The following MYO9A variants were observed in gnomAD, a reference collection of about 807,000 sequenced individuals.
MYO9A encodes the protein unconventional myosin-IXa.
MYO9A carries 103 observed loss-of-function variants against 293.3 expected under a neutral mutation model. That is an observed-to-expected ratio of 0.35 (90% CI 0.30 to 0.41). MYO9A has a LOEUF of 0.41. Among genes scored for constraint, MYO9A ranks in the 10% least tolerant of loss-of-function variants. The pLI, the probability that MYO9A is intolerant of heterozygous loss-of-function variation, is 1.00. For synonymous variants in MYO9A, 1,001 were observed against 1,035.7 expected, an observed-to-expected ratio of 0.97 and a Z score of 0.64; for missense variants, 2,685 against 3,033.0, an observed-to-expected ratio of 0.89 and a Z score of 2.69.
At chr15:72,010,135 G>C (rs984134222) in intron 7 of MYO9A, among the ~76,000 whole-genome samples, 1 of 152,078 alleles carries the variant, frequency 6.6e-6, no homozygotes. Flanking sequence ...AAATTGTTAA[G>C]GATGTACATT....
At chr15:71,874,666 A>T (rs752578930) in intron 32 of MYO9A, among the ~76,000 whole-genome samples, 1 of 152,236 alleles carries the variant, frequency 6.6e-6, no homozygotes, top group Non-Finnish European at 1.5e-5. Context: ...TGAGACTCAT[A>T]GTTCATCGGA....
chr15:71,941,551 CA>C (rs1278422664), intron 15 of MYO9A, among the ~76,000 whole-genome samples: 1 of 152,094 alleles, frequency 6.6e-6, no homozygotes, highest in Non-Finnish European at 1.5e-5. Context: ...AATATTCTAA[CA>C]ACATTTGTAA....
chr15:71,837,035 G>A (rs2054972954), intron 39 of MYO9A, among the ~76,000 whole-genome samples: 1 of 152,022 alleles, frequency 6.6e-6, no homozygotes, highest in South Asian at 2.1e-4. Context: ...CAATAAAAAA[G>A]ATATTTAAGA....
intron 11 of MYO9A, among the ~76,000 whole-genome samples, chr15:71,980,932 A>G (rs564172437): frequency 6.6e-5 from 10 of 152,360 alleles, no homozygotes; most frequent in East Asian, 3.9e-4. Flanking sequence ...TTTTCATTCA[A>G]TAAGATATTA....
chr15:71,974,558 G>A (rs2076090482), intron 12 of MYO9A, among the ~76,000 whole-genome samples: 1 of 152,210 alleles, frequency 6.6e-6, no homozygotes, highest in Admixed American at 6.5e-5. Context: ...ACCAGATGCA[G>A]TGGTCCTAGG....
intron 1 of MYO9A, among the ~76,000 whole-genome samples, chr15:72,071,809 A>G (rs1209274668): frequency 6.6e-6 from 1 of 152,102 alleles, no homozygotes; most frequent in Non-Finnish European, 1.5e-5. Flanking sequence ...TATGGTAAAC[A>G]GTATGGAGAT....
intron 1 of MYO9A, among the ~76,000 whole-genome samples, chr15:72,074,950 C>CTTTTTTTT (rs1567012010): frequency 1.4e-5 from 1 of 71,666 alleles, no homozygotes; most frequent in African/African-American, 5.0e-5. Flanking sequence ...ATTTTCACTG[C>CTTTTTTTT]CTTTTTTTTT....
intron 39 of MYO9A, among the ~76,000 whole-genome samples, chr15:71,840,592 T>A (rs2055116098): frequency 6.6e-6 from 1 of 152,186 alleles, no homozygotes; most frequent in Non-Finnish European, 1.5e-5. Context: ...CCAAATGTAT[T>A]TAAGTCTTCT....
intron 1 of MYO9A, chr15:72,117,133 G>A (rs1376217438): frequency 6.6e-6 from 1 of 152,278 alleles, no homozygotes; most frequent in Non-Finnish European, 1.5e-5. Flanking sequence ...GTCTGTGACG[G>A]TGTCTAGAGG....
chr15:71,902,850 A>C, intron 22 of MYO9A, 91 bp downstream of exon 22: 1 of 1,047,296 alleles, frequency 9.5e-7, no homozygotes, highest in East Asian at 2.9e-5. Flanking sequence ...CTGATTCACT[A>C]TCTTTTTAAT....
chr15:71,900,042 A>G (rs1333909414), intron 23 of MYO9A, 36 bp from the exon 24 acceptor site: 3 of 1,554,930 alleles, frequency 1.9e-6, no homozygotes, highest in African/African-American at 1.4e-5. Context: ...ACTGGTTGTC[A>G]TATCTTACAC....
intron 18 of MYO9A, among the ~76,000 whole-genome samples, chr15:71,917,681 C>T (rs945245410): frequency 8.6e-5 from 13 of 152,008 alleles, no homozygotes; most frequent in African/African-American, 2.7e-4. Flanking sequence ...GCTTTTTGAG[C>T]CAATCATAAT....
Position 72,077,218 on chromosome 15 carries a change from C to T in MYO9A, c.-71-30584G>A, listed in dbSNP as rs143254405. On this transcript the variant is annotated intron_variant, in intron 1 of 41. Transcript: ENST00000356056. ...TTGCTAATCTCAGCCTTGGCAATGACGTTTTAGATACAACACCAAAAGCAC... is the reference window on the plus strand; with the variant it reads ...TTGCTAATCTCAGCCTTGGCAATGATGTTTTAGATACAACACCAAAAGCAC... Among the ~76,000 whole-genome samples the T allele has an allele frequency of 1.4e-3, 214 of 152,180 alleles. 1 individual carries two copies. Among genetic ancestry groups the T allele is most frequent in the African/African-American group, 4.7e-3 (197 of 41,500 alleles).
rs1374004709 is a variant in MYO9A at position 72,095,556 on chromosome 15, T to A, written c.-72+22124A>T. ...GAGCAAGTTATCCAGAAGATCCAGC[T>A]AAGATAATTGATGAAGGTGGCTACA... On this transcript the variant is annotated intron_variant, in intron 1 of 41. Transcript: ENST00000356056. Among the ~76,000 whole-genome samples the A allele has an allele frequency of 2.1e-5, 2 of 93,324 alleles. 1 individual carries two copies. Among genetic ancestry groups the A allele is most frequent in the Non-Finnish European group, 6.5e-5 (2 of 30,812 alleles). 61.2% of individuals were successfully genotyped at this position (93,324 alleles called of 152,430 possible). A position where few individuals can be genotyped will look rare whatever the true frequency, so the allele number is the denominator to read the frequency against.
chr15:71,860,142 G>T (rs1452737951), intron 33 of MYO9A, among the ~76,000 whole-genome samples: 1 of 152,076 alleles, frequency 6.6e-6, no homozygotes, highest in Admixed American at 6.5e-5. Context: ...TAGTGTTCAT[G>T]TTCTACCACA....
At chr15:72,058,870 TAAAG>T (rs2078798288) in intron 1 of MYO9A, among the ~76,000 whole-genome samples, 1 of 152,196 alleles carries the variant, frequency 6.6e-6, no homozygotes, top group Non-Finnish European at 1.5e-5. Context: ...GAAGTTCAGT[TAAAG>T]AAATTAAAAA....
intron 1 of MYO9A, among the ~76,000 whole-genome samples, chr15:72,100,721 C>T (rs374547115): frequency 9.3e-5 from 14 of 150,658 alleles, no homozygotes; most frequent in Non-Finnish European, 1.5e-4. Flanking sequence ...ACCCTCTGCC[C>T]GGCAACCACC....
At chr15:71,982,689 A>G (rs542544820) in intron 11 of MYO9A, among the ~76,000 whole-genome samples, 1 of 152,376 alleles carries the variant, frequency 6.6e-6, no homozygotes, top group East Asian at 1.9e-4. Flanking sequence ...GATATTTTAA[A>G]TCTTCTGTAT....
intron 4 of MYO9A, among the ~76,000 whole-genome samples, 178 bp downstream of exon 4, chr15:72,027,553 G>T (rs1019429073): frequency 6.6e-6 from 1 of 152,120 alleles, no homozygotes; most frequent in Non-Finnish European, 1.5e-5. Context: ...ACCAAATAAA[G>T]ATCTCCTAGC....
Sources: allele counts gnomAD v4.1 joint callset (sites outside exome capture counted in the v4.1 genomes callset), GRCh38; gene constraint gnomAD v4.1.1; transcripts MANE v1.5; gene names NCBI Gene and HGNC (gene_info 2026-07-23, HGNC 2026-07-21).